Variants in PRKG1 observed in about 807,000 individuals in gnomAD.
The protein encoded by PRKG1 is protein kinase cGMP-dependent 1.
In PRKG1, 35 loss-of-function variants were observed where a neutral mutation model predicts 88.1. That is an observed-to-expected ratio of 0.40 (90% CI 0.30 to 0.53). The LOEUF is 0.53. Among genes scored for constraint, PRKG1 ranks in the 20% least tolerant of loss-of-function variants. PRKG1 has a pLI of 0.59. For synonymous variants in PRKG1, 303 were observed against 292.5 expected, an observed-to-expected ratio of 1.04 and a Z score of -0.37; for missense variants, 540 against 839.8, an observed-to-expected ratio of 0.64 and a Z score of 4.41.
intron 3 of PRKG1, among the ~76,000 whole-genome samples, chr10:51,520,074 T>TA (rs1477656061): frequency 6.6e-6 from 1 of 152,088 alleles, no homozygotes; most frequent in Non-Finnish European, 1.5e-5. Context: ...CAAATCCTGG[T>TA]AAGGAGTAGT....
intron 2 of PRKG1, among the ~76,000 whole-genome samples, chr10:51,421,820 T>A (rs1564487931): frequency 6.6e-6 from 1 of 152,174 alleles, no homozygotes; most frequent in East Asian, 1.9e-4. Flanking sequence ...GAAACACTGA[T>A]ATGGAAAAAT....
chr10:51,770,468 C>A (rs1167625668), intron 3 of PRKG1, among the ~76,000 whole-genome samples: 2 of 152,170 alleles, frequency 1.3e-5, no homozygotes, highest in African/African-American at 4.8e-5. Flanking sequence ...TGTCTGACTG[C>A]CAAGCTAAGC....
At chr10:51,060,337 C>T (rs901265988) in intron 1 of PRKG1, among the ~76,000 whole-genome samples, 3 of 151,896 alleles carry the variant, frequency 2.0e-5, no homozygotes, top group African/African-American at 7.2e-5. Flanking sequence ...TATCACTGTA[C>T]TGTTTGTTTT....
At chr10:51,729,095 A>G (rs1333085707) in intron 3 of PRKG1, among the ~76,000 whole-genome samples, 1 of 152,178 alleles carries the variant, frequency 6.6e-6, no homozygotes, top group African/African-American at 2.4e-5. Flanking sequence ...AAATGGAAAG[A>G]TGACTCTCTG....
chr10:51,760,085 G>A (rs1837978930), intron 3 of PRKG1, among the ~76,000 whole-genome samples: 1 of 152,152 alleles, frequency 6.6e-6, no homozygotes, highest in African/African-American at 2.4e-5. Flanking sequence ...GCACTGCAGA[G>A]CACAGTCTAA....
chr10:51,638,050 T>C (rs138978882), intron 3 of PRKG1, among the ~76,000 whole-genome samples: 7 of 152,326 alleles, frequency 4.6e-5, no homozygotes, highest in Non-Finnish European at 7.4e-5. Context: ...TGCCTAGATA[T>C]AAGTAAGCAT....
intron 1 of PRKG1, among the ~76,000 whole-genome samples, chr10:51,047,110 G>A (rs895283597): frequency 6.6e-6 from 1 of 152,194 alleles, no homozygotes; most frequent in African/African-American, 2.4e-5. Context: ...ATTGTAGAGT[G>A]TTTCCTTCTT....
chr10:51,132,135 T>C (rs1845581288), intron 1 of PRKG1, among the ~76,000 whole-genome samples: 1 of 152,174 alleles, frequency 6.6e-6, no homozygotes, highest in Admixed American at 6.5e-5. Flanking sequence ...GCTGAAACTT[T>C]CTTGCATAGA....
intron 1 of PRKG1, among the ~76,000 whole-genome samples, chr10:51,000,318 A>G (rs745660664): frequency 5.9e-5 from 9 of 152,212 alleles, no homozygotes; most frequent in African/African-American, 1.2e-4. Flanking sequence ...TTACAAATAC[A>G]TGGCAGGAAA....
intron 5 of PRKG1, chr10:51,908,734 A>ATATATT (rs563212069): frequency 5.7e-5 from 3 of 52,224 alleles, no homozygotes; most frequent in African/African-American, 1.7e-4. Flanking sequence ...TCTATATGTA[A>ATATATT]TTTTTTTTTT....
At chr10:51,275,977 T>A (rs535204422) in intron 2 of PRKG1, among the ~76,000 whole-genome samples, 2 of 151,964 alleles carry the variant, frequency 1.3e-5, no homozygotes, top group African/African-American at 2.4e-5. Flanking sequence ...TTTTTTTTTT[T>A]ATTGCACTTT....
intron 3 of PRKG1, among the ~76,000 whole-genome samples, chr10:51,635,908 TG>T: frequency 6.6e-6 from 1 of 152,314 alleles, no homozygotes; most frequent in Non-Finnish European, 1.5e-5. Flanking sequence ...TCTAATATTT[TG>T]CACAGTTAAT....
chr10:52,268,193 A>G (rs1490617649), intron 10 of PRKG1, among the ~76,000 whole-genome samples: 1 of 152,168 alleles, frequency 6.6e-6, no homozygotes, highest in African/African-American at 2.4e-5. Flanking sequence ...TCTAGACCCA[A>G]GGACTGGTTC....
intron 1 of PRKG1, among the ~76,000 whole-genome samples, chr10:51,147,377 G>A (rs1357182686): frequency 6.6e-6 from 1 of 151,842 alleles, no homozygotes; most frequent in Non-Finnish European, 1.5e-5. Context: ...GTACATGTAT[G>A]AAAATATCAC....
chr10:51,556,815 C>T (rs956314863), intron 3 of PRKG1, among the ~76,000 whole-genome samples: 3 of 151,974 alleles, frequency 2.0e-5, no homozygotes, highest in Non-Finnish European at 2.9e-5. Context: ...TAAGCCAAAC[C>T]TCAGTGTCAC....
intron 2 of PRKG1, among the ~76,000 whole-genome samples, chr10:51,309,495 C>T (rs544195112): frequency 6.6e-6 from 1 of 152,212 alleles, no homozygotes; most frequent in Admixed American, 6.5e-5. Flanking sequence ...ATGAAAAATG[C>T]TTAACATCAC....
intron 4 of PRKG1, among the ~76,000 whole-genome samples, chr10:51,875,552 A>T (rs1184127452): frequency 2.0e-5 from 3 of 152,136 alleles, no homozygotes; most frequent in Non-Finnish European, 4.4e-5. Flanking sequence ...AGATACAGAC[A>T]CTTGACACCA....
At chr10:52,212,228 T>A (rs1013797288) in intron 9 of PRKG1, among the ~76,000 whole-genome samples, 2 of 152,190 alleles carry the variant, frequency 1.3e-5, no homozygotes, top group African/African-American at 4.8e-5. Flanking sequence ...CAGCTCAGCA[T>A]CTGCTTTAGT....
chr10:51,443,106 T>G (rs939158327), intron 2 of PRKG1, among the ~76,000 whole-genome samples: 6 of 144,004 alleles, frequency 4.2e-5, no homozygotes, highest in Non-Finnish European at 5.9e-5. Flanking sequence ...TATATTGTTA[T>G]GGGATCTTTA....
Sources: allele counts gnomAD v4.1 joint callset (sites outside exome capture counted in the v4.1 genomes callset), GRCh38; gene constraint gnomAD v4.1.1; transcripts MANE v1.5; gene names NCBI Gene and HGNC (gene_info 2026-07-23, HGNC 2026-07-21).